Variants in NRXN3 observed in about 807,000 individuals in gnomAD.
NRXN3 encodes the protein neurexin 3, also known as neurexin III.
In NRXN3, 32 loss-of-function variants were observed where a neutral mutation model predicts 137.6. The observed-to-expected ratio is 0.23, with a 90% CI of 0.18 to 0.31. The LOEUF (loss-of-function observed/expected upper bound fraction) is 0.31, where lower values mean the gene tolerates loss of function less well. Among genes scored for constraint, NRXN3 ranks in the 10% least tolerant of loss-of-function variants. NRXN3 has a pLI of 1.00. For synonymous variants in NRXN3, 798 were observed against 784.5 expected, an observed-to-expected ratio of 1.02 and a Z score of -0.29; for missense variants, 1,574 against 2,062.5, an observed-to-expected ratio of 0.76 and a Z score of 4.59.
intron 6 of NRXN3, among the ~76,000 whole-genome samples, chr14:78,690,644 A>C (rs748582355): frequency 6.6e-6 from 1 of 152,214 alleles, no homozygotes; most frequent in Admixed American, 6.5e-5. Flanking sequence ...GAATATAAAA[A>C]AGATTGGATA....
At chr14:79,482,671 A>G (rs969702820) in intron 16 of NRXN3, among the ~76,000 whole-genome samples, 1 of 152,010 alleles carries the variant, frequency 6.6e-6, no homozygotes, top group Admixed American at 6.6e-5. Context: ...CCTAAACACC[A>G]CTAACCTGGG....
At chr14:79,410,570 C>T (rs943049715) in intron 15 of NRXN3, among the ~76,000 whole-genome samples, 10 of 151,424 alleles carry the variant, frequency 6.6e-5, no homozygotes, top group Admixed American at 4.6e-4. Context: ...AAGTTATAAG[C>T]TCTTGGTTTG....
In NRXN3 at chr14:79,763,135, C is replaced by T. The variant is rs1352732020; in HGVS notation, c.4015-41977C>T. The stretch of plus-strand genomic sequence containing the variant: ...AACATACGGTGTTTGGTTTTCTGTT[C>T]CTGTGTTAGTTTGCTGAAAATGATG... On this transcript the variant is annotated intron_variant, in intron 19 of 20. Coordinates refer to ENST00000335750, the MANE Select transcript of NRXN3 (RefSeq NM_001330195.2). Among the ~76,000 whole-genome samples the T allele has an allele frequency of 2.0e-5, 3 of 150,912 alleles. 1 individual carries two copies. Among genetic ancestry groups the T allele is most frequent in the African/African-American group, 7.4e-5 (3 of 40,528 alleles).
intron 4 of NRXN3, among the ~76,000 whole-genome samples, chr14:78,332,364 G>T (rs1293564066): frequency 1.4e-5 from 2 of 147,642 alleles, no homozygotes; most frequent in Non-Finnish European, 3.0e-5. Flanking sequence ...TGCCCAGGCT[G>T]GAGTGCAGTG....
chr14:79,182,128 C>T (rs1596957512), intron 15 of NRXN3, among the ~76,000 whole-genome samples: 1 of 151,548 alleles, frequency 6.6e-6, no homozygotes, highest in Non-Finnish European at 1.5e-5. Flanking sequence ...ATTTTATGTC[C>T]TTATTAATAC....
intron 4 of NRXN3, among the ~76,000 whole-genome samples, chr14:78,415,215 T>G (rs944649558): frequency 5.3e-5 from 8 of 152,210 alleles, no homozygotes; most frequent in Non-Finnish European, 1.2e-4. Flanking sequence ...CTTGCATGAC[T>G]GTCATATGGA....
intron 15 of NRXN3, among the ~76,000 whole-genome samples, chr14:79,429,732 G>A (rs549374951): frequency 4.6e-5 from 7 of 152,120 alleles, no homozygotes; most frequent in Non-Finnish European, 7.4e-5. Context: ...CAGATCTATC[G>A]TCACCTCTTG....
chr14:78,750,917 C>G (rs1034843082), intron 8 of NRXN3, among the ~76,000 whole-genome samples: 18 of 152,232 alleles, frequency 1.2e-4, no homozygotes, highest in African/African-American at 3.6e-4. Context: ...GGAACAGTTT[C>G]CCAGAATTCT....
chr14:78,345,348 C>T (rs1198184296), intron 4 of NRXN3, among the ~76,000 whole-genome samples: 3 of 152,152 alleles, frequency 2.0e-5, no homozygotes, highest in African/African-American at 4.8e-5. Flanking sequence ...TAATGTAAAT[C>T]GCACAAGGAA....
intron 4 of NRXN3, among the ~76,000 whole-genome samples, chr14:78,348,494 G>A (rs2083049556): frequency 6.6e-6 from 1 of 152,180 alleles, no homozygotes; most frequent in South Asian, 2.1e-4. Flanking sequence ...ACTAGGTGTG[G>A]CCTGTAAGTT....
chr14:78,695,088 AT>A (rs1257184101), intron 6 of NRXN3, among the ~76,000 whole-genome samples: 10 of 151,942 alleles, frequency 6.6e-5, no homozygotes. Context: ...GACTCTTCCC[AT>A]TTCTGATAGC....
intron 15 of NRXN3, among the ~76,000 whole-genome samples, chr14:79,062,605 T>C (rs1464286291): frequency 1.3e-5 from 2 of 152,184 alleles, no homozygotes; most frequent in African/African-American, 4.8e-5. Flanking sequence ...CTAGCTTTTG[T>C]CAGGACACAA....
chr14:79,692,295 A>G (rs1321356265), intron 18 of NRXN3, 33 bp downstream of exon 18: 1 of 1,495,594 alleles, frequency 6.7e-7, no homozygotes, highest in South Asian at 1.2e-5. Flanking sequence ...TTTTAAAATC[A>G]TTTGATCCTA....
intron 8 of NRXN3, among the ~76,000 whole-genome samples, chr14:78,778,751 CTTCTTTCTCT>C (rs1210651922): frequency 1.5e-4 from 10 of 68,878 alleles, no homozygotes; most frequent in South Asian, 4.3e-4. Flanking sequence ...TCTTTCTTTC[CTTCTTTCTCT>C]TTCTTTCTTT....
chr14:78,246,862 A>T (rs997292048), intron 2 of NRXN3, among the ~76,000 whole-genome samples: 1 of 152,200 alleles, frequency 6.6e-6, no homozygotes, highest in African/African-American at 2.4e-5. Flanking sequence ...CATTCTCCCC[A>T]CCCAACCTCT....
intron 10 of NRXN3, among the ~76,000 whole-genome samples, chr14:78,914,694 T>C (rs1204989498): frequency 6.6e-6 from 1 of 152,120 alleles, no homozygotes; most frequent in African/African-American, 2.4e-5. Flanking sequence ...ACTAGAAAAG[T>C]GGCAGAGGAG....
intron 20 of NRXN3, among the ~76,000 whole-genome samples, chr14:79,821,730 A>C (rs1428982048): frequency 1.4e-5 from 2 of 143,902 alleles, no homozygotes; most frequent in Non-Finnish European, 3.0e-5. Context: ...ATATAACCTC[A>C]AACTATAAGC....
chr14:78,879,848 T>A (rs1204573957), intron 10 of NRXN3, among the ~76,000 whole-genome samples: 1 of 152,128 alleles, frequency 6.6e-6, no homozygotes, highest in Admixed American at 6.5e-5. Flanking sequence ...GTTAAGGGAT[T>A]CATGGAGGGA....
intron 15 of NRXN3, among the ~76,000 whole-genome samples, chr14:79,036,208 TC>T (rs35682592): frequency 6.6e-6 from 1 of 151,888 alleles, no homozygotes; most frequent in East Asian, 1.9e-4. Context: ...GCAAGATACT[TC>T]CCCCCCACCT....
Sources: gnomAD v4.1 joint callset for allele counts (sites outside exome capture counted in the v4.1 genomes callset) on GRCh38, gnomAD v4.1.1 for gene constraint, MANE v1.5 for transcripts, NCBI Gene and HGNC (gene_info 2026-07-23, HGNC 2026-07-21) for gene names.